Variants in NFKB1 observed in about 807,000 individuals in gnomAD.
The protein encoded by NFKB1 is nuclear factor NF-kappa-B p105 subunit.
Under a neutral mutation model 105.1 loss-of-function variants are expected in NFKB1, and 9 were observed. That is an observed-to-expected ratio of 0.09 (90% CI 0.05 to 0.15). NFKB1 has a LOEUF of 0.15. Ranked by LOEUF, NFKB1 falls within the 10% of genes least tolerant of loss-of-function variation. The pLI is 1.00. For synonymous variants in NFKB1, 440 were observed against 442.2 expected (o/e 1.00, Z 0.06); for missense variants, 830 against 1,203.7 (o/e 0.69, Z 4.59).
intron 2 of NFKB1, among the ~76,000 whole-genome samples, chr4:102,529,350 C>G (rs1031197155): frequency 1.3e-5 from 2 of 152,162 alleles, no homozygotes; most frequent in Non-Finnish European, 2.9e-5. Context: ...CAGAGGTGCT[C>G]TCTAGCATTC....
intron 14 of NFKB1, among the ~76,000 whole-genome samples, chr4:102,596,701 A>G (rs1157407317): frequency 6.6e-6 from 1 of 152,196 alleles, no homozygotes; most frequent in Non-Finnish European, 1.5e-5. Flanking sequence ...ATACTGAAAT[A>G]GAACTTTGCC....
intron 6 of NFKB1, among the ~76,000 whole-genome samples, chr4:102,576,383 C>T (rs757913192): frequency 1.3e-5 from 2 of 152,092 alleles, no homozygotes; most frequent in Admixed American, 6.6e-5. Context: ...TAATACAGCT[C>T]CCATAGAAAA....
Position 102,515,255 on chromosome 4 carries a change from C to T in NFKB1, c.-7-10257C>T, listed in dbSNP as rs372081297. On this transcript the variant is annotated intron_variant, in intron 1 of 23. Coordinates refer to ENST00000226574, the MANE Select transcript of NFKB1 (RefSeq NM_003998.4). ...CCTCCCAAGTAGCTGGGACTACAGGCGCCCGCCACTACGCCCGGCTAATTT... is the reference window on the plus strand; with the variant it reads ...CCTCCCAAGTAGCTGGGACTACAGGTGCCCGCCACTACGCCCGGCTAATTT... 5.5e-4 allele frequency among the ~76,000 whole-genome samples: 81 copies of T among 148,614 alleles called. 2 individuals are homozygous for T. In the South Asian group the frequency reaches 0.014, roughly 26 times the overall value.
chr4:102,612,061 T>C lies in NFKB1; in HGVS notation c.2370T>C (p.Asn790=), dbSNP rs948870993. Residue 790 remains asparagine (N), a synonymous_variant, in exon 21 of 24, where the codon AAT becomes AAC. Coordinates refer to ENST00000226574, the MANE Select transcript of NFKB1 (RefSeq NM_003998.4). ...ATSWQVFDIL[N]GKPYEPEFTS... The stretch of plus-strand genomic sequence containing the variant: ...TCCAACAGGTATTTGACATATTAAA[T>C]GGGAAACCATATGAGCCAGAGTTTA... The C allele has an allele frequency of 6.2e-7, 1 of 1,614,116 alleles. No individual in the cohort carries two copies. The highest frequency in any genetic ancestry group is 1.7e-5 in the Admixed American group (1 of 60,030).
intron 6 of NFKB1, among the ~76,000 whole-genome samples, chr4:102,575,585 C>T (rs1052871980): frequency 2.0e-5 from 3 of 152,112 alleles, no homozygotes; most frequent in Non-Finnish European, 4.4e-5. Flanking sequence ...TTGAAAACAC[C>T]GGCGTGGTCC....
chr4:102,529,969 G>T (rs1009402779), intron 3 of NFKB1, 55 bp downstream of exon 3: 1 of 1,324,810 alleles, frequency 7.5e-7, no homozygotes, highest in Non-Finnish European at 1.1e-6. Context: ...TTAGTAAAAT[G>T]CAGGATTTGT....
intron 23 of NFKB1, among the ~76,000 whole-genome samples, chr4:102,615,182 A>G (rs1182116976): frequency 6.6e-6 from 1 of 152,218 alleles, no homozygotes; most frequent in Non-Finnish European, 1.5e-5. Context: ...TCATTCATTC[A>G]GCAAATCCTG....
At chr4:102,552,364 T>C (rs1194718495) in intron 5 of NFKB1, among the ~76,000 whole-genome samples, 1 of 152,108 alleles carries the variant, frequency 6.6e-6, no homozygotes, top group East Asian at 1.9e-4. Context: ...GAGCGGTGAA[T>C]GGAAGCCCCA....
intron 5 of NFKB1, among the ~76,000 whole-genome samples, chr4:102,565,364 CTGTCCTT>C (rs1367102275): frequency 6.6e-6 from 1 of 152,144 alleles, no homozygotes; most frequent in African/African-American, 2.4e-5. Flanking sequence ...GTAGGGGAGT[CTGTCCTT>C]TGTTGACGAG....
chr4:102,528,722 G>A (rs1370703410), intron 2 of NFKB1, among the ~76,000 whole-genome samples: 1 of 152,086 alleles, frequency 6.6e-6, no homozygotes, highest in Admixed American at 6.6e-5. Flanking sequence ...ATGAGCCAGC[G>A]GTTACAATGT....
At chr4:102,561,801 T>C (rs1346631261) in intron 5 of NFKB1, among the ~76,000 whole-genome samples, 1 of 152,182 alleles carries the variant, frequency 6.6e-6, no homozygotes, top group African/African-American at 2.4e-5. Flanking sequence ...TTAGAAAGTA[T>C]AGCTGTATAG....
intron 5 of NFKB1, among the ~76,000 whole-genome samples, chr4:102,549,438 T>C (rs1204744375): frequency 6.7e-6 from 1 of 148,920 alleles, no homozygotes. Context: ...TTGTAAGTTT[T>C]ATATACATAT....
At chr4:102,543,922 G>A (rs1426467530) in intron 5 of NFKB1, among the ~76,000 whole-genome samples, 1 of 152,136 alleles carries the variant, frequency 6.6e-6, no homozygotes, top group Non-Finnish European at 1.5e-5. Flanking sequence ...GAACCCCTAA[G>A]CTGTTCACTG....
chr4:102,603,520 C>G (rs1344032545), intron 16 of NFKB1, among the ~76,000 whole-genome samples: 1 of 152,150 alleles, frequency 6.6e-6, no homozygotes. Context: ...TCTCAGAAGA[C>G]TATACGTCCA....
intron 6 of NFKB1, among the ~76,000 whole-genome samples, chr4:102,571,016 G>A (rs1724298577): frequency 1.3e-5 from 2 of 152,168 alleles, no homozygotes; most frequent in South Asian, 2.1e-4. Context: ...AAAAGAGCCT[G>A]CATTGCCAAG....
intron 6 of NFKB1, 79 bp downstream of exon 6, chr4:102,567,214 CT>C: frequency 2.0e-6 from 3 of 1,467,704 alleles, no homozygotes; most frequent in Non-Finnish European, 2.8e-6. Flanking sequence ...GAACAGGCCC[CT>C]TTCATTAGGG....
rs1560703693 is a variant in NFKB1 at position 102,593,507 on chromosome 4, TGGAGGC to T, written c.1156_1161del (p.Gly386_Gly387del). The T allele has an allele frequency of 6.2e-7, 1 of 1,613,556 alleles. No homozygotes were observed. The highest frequency in any genetic ancestry group is 1.1e-5 in the South Asian group (1 of 91,036). ...TCGGCGGTGGTAGTGGTGCTGGAGC[TGGAGGC>T]GGAGGCATGTTTGGTAGTGGCGGTG... On this transcript the variant is annotated inframe_deletion, in exon 12 of 24. Coordinates refer to ENST00000226574, the MANE Select transcript of NFKB1 (RefSeq NM_003998.4).
chr4:102,518,333 A>G (rs536497622), intron 1 of NFKB1, among the ~76,000 whole-genome samples: 2 of 152,314 alleles, frequency 1.3e-5, no homozygotes, highest in East Asian at 1.9e-4. Flanking sequence ...AATTTTATGT[A>G]TACACCACAG....
Position 102,549,194 on chromosome 4 carries a change from A to G in NFKB1, c.258+11238A>G, listed in dbSNP as rs138996082. On this transcript the variant is annotated intron_variant, in intron 5 of 23. Transcript: ENST00000226574. The stretch of plus-strand genomic sequence containing the variant: ...ATGTGTCATTTATCGAGTTCTTACT[A>G]TGTATCTGTTATTGTTATCCTTATA... Among the ~76,000 whole-genome samples the G allele has an allele frequency of 2.9e-3, 442 of 152,148 alleles. 2 individuals are homozygous for G. The highest frequency in any genetic ancestry group is 0.01 in the African/African-American group (424 of 41,536).
Sources: gnomAD v4.1 joint callset for allele counts (sites outside exome capture counted in the v4.1 genomes callset) on GRCh38, gnomAD v4.1.1 for gene constraint, MANE v1.5 for transcripts, NCBI Gene and HGNC (gene_info 2026-07-23, HGNC 2026-07-21) for gene names.